The following ATP8B4 variants were observed in gnomAD, a reference collection of about 807,000 sequenced individuals.
ATP8B4 encodes ATPase phospholipid transporting 8B4 (putative).
A neutral mutation model predicts 145.6 loss-of-function variants in ATP8B4; 133 were observed. The observed-to-expected ratio is 0.91, with a 90% CI of 0.79 to 1.05. The LOEUF (loss-of-function observed/expected upper bound fraction) is 1.05, where lower values mean the gene tolerates loss of function less well. Ranked by LOEUF, ATP8B4 falls within the 50% of genes least tolerant of loss-of-function variation. The probability of loss-of-function intolerance (pLI) is 0.00; values close to 1 mark genes in which losing one functional copy is unlikely to be tolerated. For synonymous variants in ATP8B4, 507 were observed against 492.9 expected, an observed-to-expected ratio of 1.03 and a Z score of -0.38; for missense variants, 1,458 against 1,425.2, an observed-to-expected ratio of 1.02 and a Z score of -0.37.
chr15:50,181,165 G>T (rs1408377688), intron 1 of ATP8B4, among the ~76,000 whole-genome samples: 1 of 152,154 alleles, frequency 6.6e-6, no homozygotes, highest in South Asian at 2.1e-4. Context: ...TCCTAGCAGC[G>T]TGTCTGGGAG....
intron 6 of ATP8B4, among the ~76,000 whole-genome samples, chr15:50,015,483 T>C (rs1196646389): frequency 1.3e-5 from 2 of 152,200 alleles, no homozygotes; most frequent in South Asian, 2.1e-4. Context: ...AATACATCTA[T>C]ATTTATTGTT....
chr15:50,040,881 A>G (rs1275243420), intron 5 of ATP8B4, among the ~76,000 whole-genome samples: 1 of 152,258 alleles, frequency 6.6e-6, no homozygotes. Context: ...GAGGGCTAGC[A>G]TTCATTGTGT....
intron 1 of ATP8B4, among the ~76,000 whole-genome samples, chr15:50,130,634 G>C (rs1257572332): frequency 6.6e-6 from 1 of 151,928 alleles, no homozygotes; most frequent in Non-Finnish European, 1.5e-5. Context: ...AAATTAGCCA[G>C]GCGTGGTGGC....
intron 25 of ATP8B4, among the ~76,000 whole-genome samples, chr15:49,868,524 T>C (rs2033169602): frequency 6.6e-6 from 1 of 152,166 alleles, no homozygotes; most frequent in South Asian, 2.1e-4. Flanking sequence ...ATGATTCTTG[T>C]AAATAGTTAG....
At chr15:49,966,434 G>T (rs1201432335) in intron 13 of ATP8B4, among the ~76,000 whole-genome samples, 1 of 152,144 alleles carries the variant, frequency 6.6e-6, no homozygotes, top group Non-Finnish European at 1.5e-5. Flanking sequence ...ACTTGGTGGT[G>T]GGAGGGGCAT....
intron 21 of ATP8B4, 120 bp downstream of exon 21, chr15:49,900,972 C>A: frequency 3.1e-6 from 4 of 1,271,462 alleles, no homozygotes; most frequent in Non-Finnish European, 4.3e-6. Flanking sequence ...ATCGCATATG[C>A]CCTGTATCTA....
intron 1 of ATP8B4, among the ~76,000 whole-genome samples, chr15:50,124,944 A>C (rs933524232): frequency 6.6e-6 from 1 of 152,234 alleles, no homozygotes; most frequent in African/African-American, 2.4e-5. Flanking sequence ...TTCATTTCCA[A>C]GTGATGAATG....
intron 2 of ATP8B4, among the ~76,000 whole-genome samples, chr15:50,076,579 C>A (rs891415485): frequency 6.6e-6 from 1 of 152,178 alleles, no homozygotes; most frequent in Non-Finnish European, 1.5e-5. Context: ...CTAGCCCATT[C>A]CCAAAGCAGC....
At chr15:49,892,065 G>A (rs898557970) in intron 23 of ATP8B4, among the ~76,000 whole-genome samples, 8 of 146,674 alleles carry the variant, frequency 5.5e-5, no homozygotes, top group South Asian at 2.2e-4. Flanking sequence ...GCAGTGAGCC[G>A]AGATCACACC....
intron 15 of ATP8B4, 107 bp downstream of exon 15, chr15:49,933,910 G>C: frequency 8.3e-7 from 1 of 1,210,644 alleles, no homozygotes; most frequent in Non-Finnish European, 1.1e-6. Context: ...CAAAAAACAA[G>C]GCTCACTGCT....
At chr15:50,109,278 T>C (rs900612006) in intron 1 of ATP8B4, among the ~76,000 whole-genome samples, 1 of 152,222 alleles carries the variant, frequency 6.6e-6, no homozygotes, top group African/African-American at 2.4e-5. Flanking sequence ...AAAGGATGTT[T>C]GGTGGTAAAG....
chr15:50,125,690 G>A (rs1178485771), intron 1 of ATP8B4, among the ~76,000 whole-genome samples: 1 of 152,136 alleles, frequency 6.6e-6, no homozygotes, highest in African/African-American at 2.4e-5. Context: ...GGGGGCAATT[G>A]TTTAAAGGCA....
At chr15:50,127,684 G>C (rs2057316395) in intron 1 of ATP8B4, among the ~76,000 whole-genome samples, 1 of 152,158 alleles carries the variant, frequency 6.6e-6, no homozygotes, top group South Asian at 2.1e-4. Flanking sequence ...CGATTGCAAA[G>C]AAATTGATCC....
At chr15:49,885,331 A>C (rs903553581) in intron 23 of ATP8B4, among the ~76,000 whole-genome samples, 4 of 152,140 alleles carry the variant, frequency 2.6e-5, no homozygotes, top group African/African-American at 4.8e-5. Context: ...GTGTCACCTC[A>C]CCCTCTCAGT....
At chr15:49,987,244 C>T in intron 10 of ATP8B4, 147 bp downstream of exon 10, 1 of 941,780 alleles carries the variant, frequency 1.1e-6, no homozygotes, top group Non-Finnish European at 1.5e-6. Flanking sequence ...TTTCTCCTGG[C>T]ATCCTACAAT....
chr15:49,999,258 A>G (rs948323927), intron 8 of ATP8B4, among the ~76,000 whole-genome samples: 89 of 151,908 alleles, frequency 5.9e-4, no homozygotes, highest in Admixed American at 8.5e-4. Context: ...ATTGGAAATC[A>G]TCATTCTCAG....
intron 6 of ATP8B4, among the ~76,000 whole-genome samples, chr15:50,019,511 T>C (rs1214549702): frequency 6.6e-6 from 1 of 152,230 alleles, no homozygotes; most frequent in Non-Finnish European, 1.5e-5. Flanking sequence ...TGTAAAATAA[T>C]ATATACATTT....
intron 1 of ATP8B4, among the ~76,000 whole-genome samples, chr15:50,113,565 G>A (rs1317952201): frequency 6.6e-6 from 1 of 152,118 alleles, no homozygotes; most frequent in East Asian, 1.9e-4. Flanking sequence ...AAGGCCAGGA[G>A]CGGTGGCTCA....
rs185038675 is a variant in ATP8B4 at position 49,908,669 on chromosome 15, G to A, written c.2142-7430C>T. On this transcript the variant is annotated intron_variant, in intron 20 of 27. Coordinates refer to ENST00000284509, the MANE Select transcript of ATP8B4 (RefSeq NM_024837.4). Reference sequence around the variant, plus strand: ...ATGACAGCAAAGTGTCATTTTGAGAGCCCAGCCCCACCAGACTGCATCCTG... The same window carrying A: ...ATGACAGCAAAGTGTCATTTTGAGAACCCAGCCCCACCAGACTGCATCCTG... Among the ~76,000 whole-genome samples the A allele has an allele frequency of 3.9e-5, 6 of 152,178 alleles. No homozygotes were observed. In the East Asian group the frequency reaches 1.2e-3, roughly 29 times the overall value.
Sources: allele counts gnomAD v4.1 joint callset (sites outside exome capture counted in the v4.1 genomes callset), GRCh38; gene constraint gnomAD v4.1.1; transcripts MANE v1.5; gene names NCBI Gene and HGNC (gene_info 2026-07-23, HGNC 2026-07-21).